The following MLKL variants were observed in gnomAD, a reference collection of about 807,000 sequenced individuals.
MLKL encodes the protein mixed lineage kinase domain-like protein.
MLKL carries 55 observed loss-of-function variants against 56.5 expected under a neutral mutation model. That is an observed-to-expected ratio of 0.97 (90% CI 0.78 to 1.22). The LOEUF (loss-of-function observed/expected upper bound fraction) is 1.22, where lower values mean the gene tolerates loss of function less well. Among genes scored for constraint, MLKL ranks in the 50% most tolerant of loss-of-function variants. The pLI, the probability that MLKL is intolerant of heterozygous loss-of-function variation, is 0.00. For missense variants in MLKL, 694 were observed against 573.9 expected (o/e 1.21, Z -2.14); for synonymous variants, 251 against 208.3 (o/e 1.20, Z -1.76).
intron 6 of MLKL, 28 bp downstream of exon 6, chr16:74,682,623 T>G (rs748111670): frequency 1.5e-5 from 24 of 1,612,434 alleles, no homozygotes; most frequent in Middle Eastern, 3.7e-4. Context: ...CATCCAACCC[T>G]TAGTGGCGCC....
At chr16:74,688,292 G>A (rs1960459567) in intron 4 of MLKL, among the ~76,000 whole-genome samples, 2 of 152,146 alleles carry the variant, frequency 1.3e-5, no homozygotes. Context: ...TAAACAAATG[G>A]CTCTGGGACA....
chr16:74,697,092 C>T (rs796264825), intron 1 of MLKL, among the ~76,000 whole-genome samples: 48 of 150,502 alleles, frequency 3.2e-4, no homozygotes, highest in African/African-American at 1.1e-3. Flanking sequence ...GGCACACACC[C>T]GTAGTCTCAG....
At chr16:74,694,122 G>C (rs953051880) in intron 2 of MLKL, among the ~76,000 whole-genome samples, 14 of 152,080 alleles carry the variant, frequency 9.2e-5, no homozygotes, top group African/African-American at 3.4e-4. Context: ...AGAAGAAATA[G>C]AACAATGTGC....
chr16:74,677,532 T>G (rs1344378251), intron 7 of MLKL: 1 of 152,238 alleles, frequency 6.6e-6, no homozygotes, highest in Non-Finnish European at 1.5e-5. Flanking sequence ...TTTTTAAATT[T>G]TTTGAAGAGG....
At chr16:74,678,064 A>T (rs561825356) in intron 7 of MLKL, 16 of 152,180 alleles carry the variant, frequency 1.1e-4, no homozygotes, top group Admixed American at 6.6e-4. Context: ...AGAGATGCTG[A>T]CTCCTGCAGG....
In MLKL at chr16:74,672,646, C is replaced by G. The variant is rs1340202431; in HGVS notation, c.1382-108G>C. 3.1e-6 allele frequency: 3 copies of G among 956,532 alleles called. No homozygotes were observed. The East Asian group carries it at 7.2e-5, about 23-fold the overall frequency. The allele number at this position is 956,532 out of a possible 1,614,324, so 59.3% of individuals were successfully genotyped here. On this transcript the variant is annotated intron_variant, in intron 10 of 10. Coordinates refer to ENST00000308807, the MANE Select transcript of MLKL (RefSeq NM_152649.4). Reference sequence around the variant, plus strand: ...CAGTCATTTAGAAACTGCATTCCCCCTGGTCTGGCTGGTGCCTGAACCACC... The same window carrying G: ...CAGTCATTTAGAAACTGCATTCCCCGTGGTCTGGCTGGTGCCTGAACCACC...
chr16:74,696,129 G>T (rs868862398), intron 1 of MLKL, among the ~76,000 whole-genome samples: 1 of 152,182 alleles, frequency 6.6e-6, no homozygotes, highest in Non-Finnish European at 1.5e-5. Flanking sequence ...GGGGTGAAGC[G>T]GCCCTGGGGT....
chr16:74,689,283 T>G (rs1446614015), intron 4 of MLKL, among the ~76,000 whole-genome samples: 2 of 152,014 alleles, frequency 1.3e-5, no homozygotes, highest in African/African-American at 4.8e-5. Flanking sequence ...CCCAGCTAAT[T>G]TTTGTATTTT....
intron 1 of MLKL, among the ~76,000 whole-genome samples, chr16:74,699,068 A>G (rs543539493): frequency 6.6e-6 from 1 of 151,862 alleles, no homozygotes; most frequent in East Asian, 1.9e-4. Context: ...AGCCGAGATC[A>G]CACCACTGTG....
chr16:74,684,431 G>GAAAAAAAAAA (rs66482612), intron 5 of MLKL, among the ~76,000 whole-genome samples: 1 of 112,716 alleles, frequency 8.9e-6, no homozygotes, highest in Non-Finnish European at 1.7e-5. Flanking sequence ...GGGAAAAAAA[G>GAAAAAAAAAA]AAAAAAAAAA....
In MLKL at chr16:74,690,781, C is replaced by CA. The variant is rs58597472; in HGVS notation, c.722+495dup. On this transcript the variant is annotated intron_variant, in intron 4 of 10. Transcript: ENST00000308807. Reference sequence around the variant, plus strand: ...TGGACAACAGAGTGAGACCTTGTCTCAAAAAAAAAAAAAAAAAAAAAAAAA... The same window carrying CA: ...TGGACAACAGAGTGAGACCTTGTCTCAAAAAAAAAAAAAAAAAAAAAAAAAA... Among the ~76,000 whole-genome samples the CA allele has an allele frequency of 5.0e-4, 25 of 49,930 alleles. 1 individual carries two copies. The highest frequency in any genetic ancestry group is 7.0e-4 in the African/African-American group (8 of 11,430). The allele number at this position is 49,930 out of a possible 152,430, so 32.8% of individuals were successfully genotyped here.
chr16:74,677,464 C>T (rs543262140), intron 7 of MLKL: 2 of 152,466 alleles, frequency 1.3e-5, no homozygotes, highest in African/African-American at 4.8e-5. Context: ...GCATCCTCCT[C>T]CTGCCTCACT....
In MLKL at chr16:74,676,333, T is replaced by C. The variant is rs527342842; in HGVS notation, c.1039-569A>G. The C allele has an allele frequency of 1.2e-5, 12 of 985,872 alleles. No individual in the cohort carries two copies. In the South Asian group the frequency reaches 3.8e-4, roughly 31 times the overall value. 61.1% of individuals were successfully genotyped at this position (985,872 alleles called of 1,614,324 possible). On this transcript the variant is annotated intron_variant, in intron 7 of 10. Transcript: ENST00000308807. Reference sequence around the variant, plus strand: ...TCTTAAAGAAACTGTAGCACAATCATGACAGCATATGTTCTTGTCCCATGC... The same window carrying C: ...TCTTAAAGAAACTGTAGCACAATCACGACAGCATATGTTCTTGTCCCATGC...
At chr16:74,687,780 T>C (rs1052224617) in intron 4 of MLKL, among the ~76,000 whole-genome samples, 4 of 152,180 alleles carry the variant, frequency 2.6e-5, no homozygotes, top group African/African-American at 7.2e-5. Flanking sequence ...GAGATTCTAC[T>C]GCCTCAGCCT....
At chr16:74,691,243 G>C (rs1380462581) in intron 4 of MLKL, 34 bp downstream of exon 4, 2 of 1,560,254 alleles carry the variant, frequency 1.3e-6, no homozygotes, top group South Asian at 1.2e-5. Context: ...AGTAAGTATT[G>C]GTACACACGA....
intron 4 of MLKL, 111 bp downstream of exon 4, chr16:74,691,166 A>T: frequency 1.0e-6 from 1 of 977,472 alleles, no homozygotes; most frequent in East Asian, 2.5e-5. Flanking sequence ...ACATAATTTA[A>T]CCCTTTAGGG....
intron 4 of MLKL, among the ~76,000 whole-genome samples, chr16:74,685,811 A>G (rs2144508954): frequency 6.6e-6 from 1 of 152,310 alleles, no homozygotes; most frequent in African/African-American, 2.4e-5. Context: ...GGACTTGCTA[A>G]TATCTTTTCA....
intron 5 of MLKL, among the ~76,000 whole-genome samples, chr16:74,684,223 C>A (rs959220165): frequency 6.6e-6 from 1 of 151,976 alleles, no homozygotes; most frequent in Non-Finnish European, 1.5e-5. Context: ...GCTGGGATTA[C>A]AGATGTGAGC....
chr16:74,685,962 CTTT>C (rs398029921), intron 4 of MLKL, among the ~76,000 whole-genome samples: 3 of 142,268 alleles, frequency 2.1e-5, no homozygotes, highest in Non-Finnish European at 3.1e-5. Context: ...TGGTGTGTGT[CTTT>C]TTTTTTTTTT....
Sources: allele counts gnomAD v4.1 joint callset (sites outside exome capture counted in the v4.1 genomes callset), GRCh38; gene constraint gnomAD v4.1.1; transcripts MANE v1.5; gene names NCBI Gene and HGNC (gene_info 2026-07-23, HGNC 2026-07-21).